Variants in OXR1 observed in about 807,000 individuals in gnomAD.
The protein encoded by OXR1 is oxidation resistance protein 1.
In OXR1, 41 loss-of-function variants were observed where a neutral mutation model predicts 104.6. The observed-to-expected ratio is 0.39, with a 90% CI of 0.31 to 0.51. The LOEUF is 0.51. Among genes scored for constraint, OXR1 ranks in the 20% least tolerant of loss-of-function variants. The pLI is 0.77. For synonymous variants in OXR1, 348 were observed against 348.4 expected, an observed-to-expected ratio of 1.00 and a Z score of 0.01; for missense variants, 955 against 1,031.9, an observed-to-expected ratio of 0.93 and a Z score of 1.02.
chr8:106,679,274 A>C lies in OXR1; in HGVS notation c.285A>C (p.Lys95Asn). 1 of 1,596,472 alleles carries C rather than the reference A, an allele frequency of 6.3e-7. No individual in the cohort carries two copies. The highest frequency in any genetic ancestry group is 1.1e-5 in the South Asian group (1 of 90,586). ...DGRRMSFQKP[K>N]GTIEYTVESR... ...GACGAATGTCTTTTCAGAAACCTAA[A>C]GGGACTATTGAGTATACTGTAAGTT... Residue 95 changes from lysine (K) to asparagine (N), a missense_variant, in exon 4 of 17, where the codon AAA becomes AAC. Lys to Asn is a moderately conservative substitution (Grantham distance 94). Coordinates refer to ENST00000517566, the MANE Select transcript of OXR1 (RefSeq NM_001198533.2).
chr8:106,475,643 A>G (rs904481107), intron 2 of OXR1, among the ~76,000 whole-genome samples: 1 of 151,996 alleles, frequency 6.6e-6, no homozygotes, highest in Non-Finnish European at 1.5e-5. Flanking sequence ...CAGTGCCCAT[A>G]TCTTATGAGT....
chr8:106,713,866 A>G lies in OXR1; in HGVS notation c.1837A>G (p.Ile613Val), dbSNP rs775533642. 19 of 1,583,464 alleles carry G rather than the reference A, an allele frequency of 1.2e-5. No homozygotes were observed. In the African/African-American group the frequency reaches 2.6e-4, roughly 22 times the overall value. Reference sequence around the variant, plus strand: ...CTTCTTCATTCAGTGGAGTCCAGAAATATATGCAGAAGATACTGGCGAATA... The same window carrying G: ...CTTCTTCATTCAGTGGAGTCCAGAAGTATATGCAGAAGATACTGGCGAATA... ...YAFFIQWSPE[I>V]YAEDTGEYTR... is the part of the protein sequence containing the mutation. The change falls in exon 11 of 17, where the codon ATA becomes GTA. Residue 613 changes from isoleucine to valine, a missense_variant. Physicochemically the swap from Ile to Val is conservative, Grantham distance 29. Coordinates refer to ENST00000517566, the MANE Select transcript of OXR1 (RefSeq NM_001198533.2).
chr8:106,652,451 G>C (rs1369899559), intron 3 of OXR1, among the ~76,000 whole-genome samples: 1 of 151,996 alleles, frequency 6.6e-6, no homozygotes, highest in East Asian at 1.9e-4. Flanking sequence ...AATTAAGTTA[G>C]AAGTCAAAAA....
rs1332462280 is a variant in OXR1 at position 106,518,925 on chromosome 8, G to T, written c.24-18G>T. The T allele has an allele frequency of 2.0e-6, 3 of 1,523,270 alleles. No individual in the cohort carries two copies. Among genetic ancestry groups the T allele is most frequent in the African/African-American group, 2.8e-5 (2 of 72,176 alleles). 94.4% of individuals were successfully genotyped at this position (1,523,270 alleles called of 1,614,324 possible). On this transcript the variant is annotated intron_variant, in intron 2 of 16. Transcript: ENST00000517566. Reference sequence around the variant, plus strand: ...TCTAGAATCAGGATTCATAGCATGTGGTCTTCTTTACTTGTAGGCTGAAGA... The same window carrying T: ...TCTAGAATCAGGATTCATAGCATGTTGTCTTCTTTACTTGTAGGCTGAAGA...
chr8:106,541,714 G>A (rs1814964375), intron 3 of OXR1, among the ~76,000 whole-genome samples: 1 of 152,156 alleles, frequency 6.6e-6, no homozygotes, highest in African/African-American at 2.4e-5. Flanking sequence ...ATTAGCTATG[G>A]AAACAGTTGA....
chr8:106,521,782 G>T (rs1339648446), intron 3 of OXR1, among the ~76,000 whole-genome samples: 3 of 152,136 alleles, frequency 2.0e-5, no homozygotes, highest in African/African-American at 7.2e-5. Context: ...AAAGTGCTGG[G>T]GTTACAGGCA....
intron 2 of OXR1, among the ~76,000 whole-genome samples, chr8:106,364,660 A>G (rs1816391182): frequency 6.6e-6 from 1 of 152,210 alleles, no homozygotes; most frequent in South Asian, 2.1e-4. Flanking sequence ...ATGCAAAATT[A>G]GAAATGCAGA....
At chr8:106,311,331 C>CTGG (rs1189862019) in intron 1 of OXR1, among the ~76,000 whole-genome samples, 1 of 152,038 alleles carries the variant, frequency 6.6e-6, no homozygotes, top group Non-Finnish European at 1.5e-5. Context: ...TCTTTTGTCT[C>CTGG]TGTCTGAATT....
At chr8:106,677,774 T>G (rs1587056462) in intron 3 of OXR1, among the ~76,000 whole-genome samples, 1 of 152,156 alleles carries the variant, frequency 6.6e-6, no homozygotes, top group Admixed American at 6.5e-5. Flanking sequence ...TGTGTGTGTG[T>G]GTATCTCTGC....
chr8:106,687,081 G>A (rs1219534575), intron 6 of OXR1, among the ~76,000 whole-genome samples: 1 of 152,132 alleles, frequency 6.6e-6, no homozygotes, highest in East Asian at 1.9e-4. Context: ...GTGTCCTTTG[G>A]GTGGTAGACT....
chr8:106,670,411 A>C (rs548218434), intron 3 of OXR1, among the ~76,000 whole-genome samples: 1 of 152,298 alleles, frequency 6.6e-6, no homozygotes, highest in Admixed American at 6.5e-5. Flanking sequence ...TGCAAATTTT[A>C]TGTTCTGCAC....
chr8:106,443,682 G>T (rs970732025), intron 2 of OXR1, among the ~76,000 whole-genome samples: 1 of 151,746 alleles, frequency 6.6e-6, no homozygotes, highest in Non-Finnish European at 1.5e-5. Context: ...TGTCTTTTTT[G>T]ATCTTTGTTG....
intron 2 of OXR1, among the ~76,000 whole-genome samples, chr8:106,387,280 CCAGT>C (rs1271214222): frequency 2.6e-5 from 4 of 152,148 alleles, no homozygotes; most frequent in Non-Finnish European, 5.9e-5. Flanking sequence ...TTTGCACAGA[CCAGT>C]CATTCTTTTT....
At chr8:106,572,858 C>T (rs1817572442) in intron 3 of OXR1, among the ~76,000 whole-genome samples, 1 of 152,086 alleles carries the variant, frequency 6.6e-6, no homozygotes, top group Non-Finnish European at 1.5e-5. Flanking sequence ...CTTATTAGTA[C>T]AGAATCTATT....
chr8:106,324,531 G>A (rs1395935204), intron 1 of OXR1, among the ~76,000 whole-genome samples: 5 of 144,178 alleles, frequency 3.5e-5, no homozygotes, highest in African/African-American at 1.1e-4. Flanking sequence ...AAGGAAAGGA[G>A]GTTCTATACA....
chr8:106,277,757 C>T (rs1415141663), intron 1 of OXR1, among the ~76,000 whole-genome samples: 1 of 152,212 alleles, frequency 6.6e-6, no homozygotes, highest in Non-Finnish European at 1.5e-5. Flanking sequence ...TTCAGAGCTT[C>T]ATGTTCCCAG....
At chr8:106,580,403 G>T (rs1322236031) in intron 3 of OXR1, among the ~76,000 whole-genome samples, 1 of 152,110 alleles carries the variant, frequency 6.6e-6, no homozygotes. Context: ...ACATGACAGG[G>T]TTTTCTTTCT....
intron 3 of OXR1, among the ~76,000 whole-genome samples, chr8:106,528,401 T>C (rs1161285078): frequency 1.3e-5 from 2 of 152,184 alleles, no homozygotes; most frequent in South Asian, 2.1e-4. Flanking sequence ...CAGGATAGAA[T>C]ACCTTCAACA....
At chr8:106,597,457 G>T (rs1031209034) in intron 3 of OXR1, among the ~76,000 whole-genome samples, 3 of 152,226 alleles carry the variant, frequency 2.0e-5, no homozygotes, top group African/African-American at 7.2e-5. Context: ...TGATATTTTT[G>T]TTATAGCAGG....
Sources: allele counts gnomAD v4.1 joint callset (sites outside exome capture counted in the v4.1 genomes callset), GRCh38; gene constraint gnomAD v4.1.1; transcripts MANE v1.5; gene names NCBI Gene and HGNC (gene_info 2026-07-23, HGNC 2026-07-21).